Variants in ITGB8 observed in about 807,000 individuals in gnomAD.
ITGB8 encodes the protein integrin beta-8.
Under a neutral mutation model 89.5 loss-of-function variants are expected in ITGB8, and 30 were observed. The observed-to-expected ratio is 0.34, with a 90% CI of 0.25 to 0.45. ITGB8 has a LOEUF of 0.45. ITGB8 is among the 20% of genes least tolerant of loss of function. The pLI is 1.00. For missense variants in ITGB8, 836 were observed against 933.3 expected (o/e 0.90, Z 1.36); for synonymous variants, 335 against 320.4 (o/e 1.05, Z -0.49).
At chr7:20,336,240 C>G (rs533092780) in intron 1 of ITGB8, among the ~76,000 whole-genome samples, 3 of 152,208 alleles carry the variant, frequency 2.0e-5, no homozygotes, top group African/African-American at 7.2e-5. Flanking sequence ...CTCCTGACCT[C>G]GTGATCTGCT....
At chr7:20,358,052 G>A (rs1184964865) in intron 1 of ITGB8, among the ~76,000 whole-genome samples, 2 of 152,020 alleles carry the variant, frequency 1.3e-5, no homozygotes, top group East Asian at 1.9e-4. Context: ...TGCAACCTCC[G>A]CCTCCCGAGT....
intron 3 of ITGB8, among the ~76,000 whole-genome samples, chr7:20,378,526 C>T (rs1211061310): frequency 6.6e-6 from 1 of 152,132 alleles, no homozygotes; most frequent in East Asian, 1.9e-4. Flanking sequence ...CTACACAGTA[C>T]CAGAGTTTTC....
intron 3 of ITGB8, among the ~76,000 whole-genome samples, chr7:20,372,060 C>G (rs1184358860): frequency 6.6e-6 from 1 of 152,138 alleles, no homozygotes; most frequent in Admixed American, 6.5e-5. Flanking sequence ...TGTCTCCATA[C>G]AAATATGCCT....
intron 1 of ITGB8, among the ~76,000 whole-genome samples, chr7:20,363,220 T>C (rs1785569234): frequency 6.6e-6 from 1 of 152,202 alleles, no homozygotes; most frequent in South Asian, 2.1e-4. Flanking sequence ...TTTATGTCTA[T>C]AAACAATAAT....
chr7:20,399,566 CA>C (rs35575681), intron 9 of ITGB8, among the ~76,000 whole-genome samples: 18,484 of 145,250 alleles, frequency 0.13, 1,294 homozygotes, highest in East Asian at 0.35. Flanking sequence ...CATCATTTAC[CA>C]AAAAAAAAAA....
At chr7:20,402,506 A>C (rs377136989) in intron 10 of ITGB8, among the ~76,000 whole-genome samples, 46 of 152,224 alleles carry the variant, frequency 3.0e-4, no homozygotes, top group African/African-American at 1.1e-3. Context: ...ACTCCCTCCA[A>C]CTTGCTCAGA....
chr7:20,402,127 G>A lies in ITGB8; in HGVS notation c.1687+1G>A. On this transcript the variant is annotated splice_donor_variant, in intron 10 of 13. Coordinates refer to ENST00000222573, the MANE Select transcript of ITGB8 (RefSeq NM_002214.3). LOFTEE classifies it high-confidence loss of function. ...TATCACCATGGAAATCTGTGTGCTGGTGAGTATAAATATATACAGGCAGCT... is the reference window on the plus strand; with the variant it reads ...TATCACCATGGAAATCTGTGTGCTGATGAGTATAAATATATACAGGCAGCT... 1 of 1,606,178 alleles carries A rather than the reference G, an allele frequency of 6.2e-7. No homozygotes were observed. The highest frequency in any genetic ancestry group is 8.5e-7 in the Non-Finnish European group (1 of 1,176,304).
chr7:20,366,789 G>C (rs572230792), intron 2 of ITGB8: 3 of 426,886 alleles, frequency 7.0e-6, no homozygotes, highest in Admixed American at 4.5e-5. Context: ...AAGCCAACCA[G>C]AGAAACTTCA....
intron 1 of ITGB8, among the ~76,000 whole-genome samples, chr7:20,342,466 GT>G (rs1784794242): frequency 2.0e-5 from 3 of 152,170 alleles, no homozygotes; most frequent in African/African-American, 7.2e-5. Context: ...TAAGGATGCT[GT>G]ACAGTAAGTG....
chr7:20,361,435 TA>T (rs1017563791), intron 1 of ITGB8, among the ~76,000 whole-genome samples: 45 of 152,332 alleles, frequency 3.0e-4, no homozygotes, highest in African/African-American at 1.0e-3. Context: ...AGTCCAGGAT[TA>T]AGGTGCCAAC....
chr7:20,384,002 C>G (rs1786507100), intron 6 of ITGB8, among the ~76,000 whole-genome samples: 1 of 152,148 alleles, frequency 6.6e-6, no homozygotes, highest in Admixed American at 6.5e-5. Flanking sequence ...TGTAGGGTCA[C>G]TGCCTACATA....
chr7:20,409,169 A>G (rs943495295), intron 12 of ITGB8, among the ~76,000 whole-genome samples: 1 of 152,236 alleles, frequency 6.6e-6, no homozygotes, highest in Non-Finnish European at 1.5e-5. Flanking sequence ...AAGACCAAGC[A>G]TAACAAGAGA....
Position 20,411,854 on chromosome 7 carries a change from T to C in ITGB8, c.*1857T>C, listed in dbSNP as rs997018494. ...TCCCTGGAGTTCTCCAGTGCTCAGC[T>C]TGAGACCTTGATACACGGGCCATGA... On this transcript the variant is annotated 3_prime_UTR_variant, in exon 14 of 14. Coordinates refer to ENST00000222573, the MANE Select transcript of ITGB8 (RefSeq NM_002214.3). 6.6e-6 allele frequency: 1 copy of C among 152,290 alleles called. No homozygotes were observed. Among genetic ancestry groups the C allele is most frequent in the African/African-American group, 2.4e-5 (1 of 41,450 alleles). 9.4% of individuals were successfully genotyped at this position (152,290 alleles called of 1,614,324 possible).
chr7:20,341,744 T>C (rs1385667213), intron 1 of ITGB8, among the ~76,000 whole-genome samples: 1 of 152,170 alleles, frequency 6.6e-6, no homozygotes, highest in Non-Finnish European at 1.5e-5. Flanking sequence ...GGGGTCAGCA[T>C]AGCACTGATG....
intron 1 of ITGB8, among the ~76,000 whole-genome samples, chr7:20,361,165 T>G (rs890728273): frequency 6.6e-6 from 1 of 152,188 alleles, no homozygotes; most frequent in Admixed American, 6.5e-5. Flanking sequence ...TTGAGAAGTG[T>G]CTGTCCGTGT....
At chr7:20,369,434 CAA>C (rs1225076423) in intron 3 of ITGB8, among the ~76,000 whole-genome samples, 7 of 152,108 alleles carry the variant, frequency 4.6e-5, no homozygotes, top group Non-Finnish European at 1.0e-4. Flanking sequence ...AGAAAGTGAT[CAA>C]GAGAGAGAAC....
intron 1 of ITGB8, among the ~76,000 whole-genome samples, chr7:20,349,874 T>C (rs1434840251): frequency 6.6e-6 from 1 of 152,148 alleles, no homozygotes; most frequent in East Asian, 1.9e-4. Flanking sequence ...TTTATCGATA[T>C]AATGTACATC....
At chr7:20,373,017 G>A (rs901284227) in intron 3 of ITGB8, among the ~76,000 whole-genome samples, 6 of 152,034 alleles carry the variant, frequency 3.9e-5, no homozygotes, top group African/African-American at 1.4e-4. Flanking sequence ...AGAATCAAGG[G>A]CTTGATATAA....
At chr7:20,330,665 G>A (rs1422263687), upstream of ITGB8, 1 of 152,294 alleles carries the variant, frequency 6.6e-6, no homozygotes, top group Admixed American at 6.5e-5. Flanking sequence ...CCTCACCAAT[G>A]TCCCGCCCAC....
Sources: allele counts gnomAD v4.1 joint callset (sites outside exome capture counted in the v4.1 genomes callset), GRCh38; gene constraint gnomAD v4.1.1; transcripts MANE v1.5; gene names NCBI Gene and HGNC (gene_info 2026-07-23, HGNC 2026-07-21).